YWHAE: variants seen among roughly 807,000 people sequenced by gnomAD.
YWHAE encodes the protein tyrosine 3-monooxygenase/tryptophan 5-monooxygenase activation protein epsilon.
Under a neutral mutation model 30.1 loss-of-function variants are expected in YWHAE, and 4 were observed. The observed-to-expected ratio is 0.13, with a 90% confidence interval of 0.07 to 0.30. YWHAE has a LOEUF of 0.30. Among genes scored for constraint, YWHAE ranks in the 10% least tolerant of loss-of-function variants. YWHAE has a pLI of 1.00. For missense variants in YWHAE, 121 were observed against 315.9 expected (o/e 0.38, Z 4.68); for synonymous variants, 118 against 111.8 (o/e 1.06, Z -0.35).
chr17:1,347,198 G>A (rs1376498624), intron 5 of YWHAE, among the ~76,000 whole-genome samples: 2 of 150,198 alleles, frequency 1.3e-5, no homozygotes, highest in East Asian at 3.9e-4. Context: ...AATTAGCCAG[G>A]CATGGTGGCA....
intron 4 of YWHAE, among the ~76,000 whole-genome samples, chr17:1,358,107 G>C (rs1234486325): frequency 6.6e-6 from 1 of 151,956 alleles, no homozygotes; most frequent in Non-Finnish European, 1.5e-5. Context: ...TGGGCAAAAG[G>C]GCCTGGTGCA....
intron 1 of YWHAE, among the ~76,000 whole-genome samples, chr17:1,376,394 G>A (rs2073125228): frequency 1.4e-5 from 1 of 72,116 alleles, no homozygotes; most frequent in Non-Finnish European, 3.0e-5. Flanking sequence ...GAAAAAGAAA[G>A]AGAGAGAAAG....
At chr17:1,362,219 T>C (rs2072875258) in intron 2 of YWHAE, among the ~76,000 whole-genome samples, 1 of 152,052 alleles carries the variant, frequency 6.6e-6, no homozygotes, top group South Asian at 2.1e-4. Flanking sequence ...ATGCTGCCTA[T>C]TGTTACACAC....
chr17:1,359,414 T>C (rs892106110), intron 4 of YWHAE, among the ~76,000 whole-genome samples: 2 of 152,200 alleles, frequency 1.3e-5, no homozygotes, highest in African/African-American at 4.8e-5. Flanking sequence ...CATAGCAGCA[T>C]TGTACTCACC....
intron 1 of YWHAE, 171 bp downstream of exon 1, chr17:1,399,876 C>A (rs2073540817): frequency 6.5e-6 from 5 of 769,466 alleles, no homozygotes; most frequent in South Asian, 1.6e-5. Flanking sequence ...CATTCCAGGG[C>A]ATAGAGCCTC....
intron 5 of YWHAE, among the ~76,000 whole-genome samples, chr17:1,349,378 C>T (rs1037608846): frequency 2.6e-5 from 4 of 152,174 alleles, no homozygotes; most frequent in Non-Finnish European, 4.4e-5. Context: ...ACTTCTCAAA[C>T]TGATGAACAA....
intron 1 of YWHAE, among the ~76,000 whole-genome samples, chr17:1,385,418 A>T (rs1416108205): frequency 1.3e-5 from 2 of 152,150 alleles, no homozygotes; most frequent in Non-Finnish European, 2.9e-5. Flanking sequence ...ACAACGAAAA[A>T]GTACACCATA....
intron 1 of YWHAE, among the ~76,000 whole-genome samples, chr17:1,372,090 G>A (rs564379247): frequency 4.6e-5 from 7 of 152,030 alleles, no homozygotes; most frequent in African/African-American, 1.4e-4. Flanking sequence ...CGTCCGCCTC[G>A]GCCCCCCAAA....
At chr17:1,399,253 C>T (rs1449873251) in intron 1 of YWHAE, 1 of 152,104 alleles carries the variant, frequency 6.6e-6, no homozygotes, top group African/African-American at 2.4e-5. Flanking sequence ...ACTTCGAGAT[C>T]TCCTGTTTTA....
intron 5 of YWHAE, among the ~76,000 whole-genome samples, chr17:1,351,737 G>A (rs910001751): frequency 2.0e-5 from 3 of 151,998 alleles, no homozygotes; most frequent in South Asian, 2.1e-4. Context: ...AACCTCAGCC[G>A]TCTGAGAAGC....
chr17:1,364,711 G>A, intron 2 of YWHAE, 148 bp downstream of exon 2: 1 of 1,011,362 alleles, frequency 9.9e-7, no homozygotes, highest in Non-Finnish European at 1.5e-6. Context: ...TTATAAACCA[G>A]GCACAAAGAT....
Position 1,400,215 on chromosome 17 carries a change from C to T in YWHAE, c.-105G>A, listed in dbSNP as rs1401959867. On this transcript the variant is annotated 5_prime_UTR_variant, in exon 1 of 6. Coordinates refer to ENST00000264335, the MANE Select transcript of YWHAE (RefSeq NM_006761.5). ...GTCCGGGCAGCAAAAATGGCGGCGC[C>T]TCAATCCGGGACTTCCGCCTGCGCA... 5.1e-6 allele frequency: 7 copies of T among 1,370,650 alleles called. No homozygotes were observed. The highest frequency in any genetic ancestry group is 6.2e-6 in the Non-Finnish European group (6 of 970,292). 84.9% of individuals were successfully genotyped at this position (1,370,650 alleles called of 1,614,324 possible). A position where few individuals can be genotyped will look rare whatever the true frequency, so the allele number is the denominator to read the frequency against.
chr17:1,399,172 C>T (rs1160721889), intron 1 of YWHAE: 1 of 152,104 alleles, frequency 6.6e-6, no homozygotes, highest in African/African-American at 2.4e-5. Flanking sequence ...GGCTCGAACT[C>T]TCAGAGTCGT....
At chr17:1,393,716 A>G (rs1212799713) in intron 1 of YWHAE, among the ~76,000 whole-genome samples, 1 of 152,186 alleles carries the variant, frequency 6.6e-6, no homozygotes, top group Non-Finnish European at 1.5e-5. Flanking sequence ...CAGGTGTTTG[A>G]GCCGCGGAAC....
intron 4 of YWHAE, among the ~76,000 whole-genome samples, chr17:1,355,148 A>ATTTTTTTTTT (rs1271496520): frequency 3.9e-5 from 3 of 76,796 alleles, no homozygotes; most frequent in African/African-American, 8.8e-5. Flanking sequence ...AAAAAAAAAA[A>ATTTTTTTTTT]TTTTTTTTTT....
At chr17:1,394,958 C>T (rs1250757073) in intron 1 of YWHAE, among the ~76,000 whole-genome samples, 1 of 152,014 alleles carries the variant, frequency 6.6e-6, no homozygotes, top group African/African-American at 2.4e-5. Context: ...CAGAGCAAGA[C>T]TGTCTCAAAA....
At chr17:1,371,734 T>C (rs1011359702) in intron 1 of YWHAE, among the ~76,000 whole-genome samples, 2 of 152,220 alleles carry the variant, frequency 1.3e-5, no homozygotes, top group Non-Finnish European at 2.9e-5. Flanking sequence ...AAGGCTGTTT[T>C]GTCTACGCTG....
intron 1 of YWHAE, among the ~76,000 whole-genome samples, chr17:1,384,417 C>T (rs550720671): frequency 2.4e-4 from 36 of 151,586 alleles, no homozygotes; most frequent in East Asian, 4.0e-4. Context: ...CTCGACCGGG[C>T]GCGGTGGCTC....
At chr17:1,358,558 G>A (rs1222970580) in intron 4 of YWHAE, among the ~76,000 whole-genome samples, 2 of 149,490 alleles carry the variant, frequency 1.3e-5, no homozygotes, top group Non-Finnish European at 3.0e-5. Flanking sequence ...TTTAAAAATT[G>A]GCCGGGCGCA....
Sources: gnomAD v4.1 joint callset for allele counts (sites outside exome capture counted in the v4.1 genomes callset) on GRCh38, gnomAD v4.1.1 for gene constraint, MANE v1.5 for transcripts, NCBI Gene and HGNC (gene_info 2026-07-23, HGNC 2026-07-21) for gene names.